The following R3HDM1 variants were observed in gnomAD, a reference collection of about 807,000 sequenced individuals.
R3HDM1 encodes R3H domain-containing protein 1.
R3HDM1 carries 46 observed loss-of-function variants against 141.1 expected under a neutral mutation model. That is an observed-to-expected ratio of 0.33 (90% CI 0.26 to 0.42). R3HDM1 has a LOEUF of 0.42. R3HDM1 is among the 10% of genes least tolerant of loss of function. The pLI, the probability that R3HDM1 is intolerant of heterozygous loss-of-function variation, is 1.00. For synonymous variants in R3HDM1, 435 were observed against 472.9 expected (o/e 0.92, Z 1.04); for missense variants, 1,184 against 1,368.3 (o/e 0.87, Z 2.12).
intron 1 of R3HDM1, among the ~76,000 whole-genome samples, chr2:135,557,438 CAG>C (rs1701000395): frequency 1.3e-5 from 2 of 152,148 alleles, no homozygotes; most frequent in Admixed American, 1.3e-4. Context: ...AAACAGGAGT[CAG>C]AGAATTTACT....
intron 1 of R3HDM1, among the ~76,000 whole-genome samples, chr2:135,542,079 T>C (rs1428573477): frequency 6.6e-6 from 1 of 152,210 alleles, no homozygotes; most frequent in African/African-American, 2.4e-5. Flanking sequence ...TTATACACTA[T>C]TTTAAATAAT....
intron 14 of R3HDM1, among the ~76,000 whole-genome samples, chr2:135,641,223 ATG>A (rs2063758009): frequency 6.6e-6 from 1 of 152,178 alleles, no homozygotes; most frequent in African/African-American, 2.4e-5. Flanking sequence ...AAAAGGTAAA[ATG>A]TACATAACTT....
At position 135,675,497 on chromosome 2, in the gene R3HDM1, T is replaced by C; in HGVS notation, c.2307+11T>C. On this transcript the variant is annotated intron_variant, in intron 20 of 26. Transcript: ENST00000683871. Reference sequence around the variant, plus strand: ...GTGCCAACATATCAGGTATATTGTCTCTTTTATGTACTTTGGGTAGAGATG... The same window carrying C: ...GTGCCAACATATCAGGTATATTGTCCCTTTTATGTACTTTGGGTAGAGATG... 6.2e-7 allele frequency: 1 copy of C among 1,602,438 alleles called. No individual in the cohort carries two copies. The highest frequency in any genetic ancestry group is 1.3e-5 in the African/African-American group (1 of 74,742).
At chr2:135,615,545 T>A (rs1028033964) in intron 3 of R3HDM1, among the ~76,000 whole-genome samples, 1 of 152,234 alleles carries the variant, frequency 6.6e-6, no homozygotes, top group East Asian at 1.9e-4. Context: ...GGCCTGTCAG[T>A]CATGCTGGAC....
intron 1 of R3HDM1, among the ~76,000 whole-genome samples, chr2:135,588,461 A>T (rs1009047756): frequency 6.6e-6 from 1 of 152,052 alleles, no homozygotes; most frequent in East Asian, 1.9e-4. Flanking sequence ...TTTCATTCTC[A>T]TACAGGTTTT....
intron 20 of R3HDM1, among the ~76,000 whole-genome samples, 161 bp downstream of exon 20, chr2:135,675,647 T>C (rs1465200179): frequency 1.9e-5 from 2 of 105,076 alleles, no homozygotes; most frequent in Non-Finnish European, 3.2e-5. Context: ...TATACAACTT[T>C]ATAGTCAAGA....
chr2:135,699,070 A>ATTGAT (rs769292337), intron 21 of R3HDM1, among the ~76,000 whole-genome samples: 6 of 106,074 alleles, frequency 5.7e-5, no homozygotes, highest in South Asian at 3.0e-4. Flanking sequence ...GATTGATTAG[A>ATTGAT]TAGATTAGAT....
At position 135,621,556 on chromosome 2, in the gene R3HDM1, A is replaced by G; in HGVS notation, c.366A>G (p.Glu122=). The change falls in exon 6 of 27, where the codon GAA becomes GAG. Residue 122 remains glutamate (E), a synonymous_variant. Coordinates refer to ENST00000683871, the MANE Select transcript of R3HDM1 (RefSeq NM_001378107.1). The stretch of plus-strand genomic sequence containing the variant: ...AAGAAGAGAAGCCCTCAAAAGATGA[A>G]GCAGAAAAAGAAAAGGCCAGTGATA... ...FEKEEKPSKD[E]AEKEKASDKL... 4 of 1,603,616 alleles carry G rather than the reference A, an allele frequency of 2.5e-6. No homozygotes were observed. The highest frequency in any genetic ancestry group is 3.4e-6 in the Non-Finnish European group (4 of 1,174,812).
chr2:135,655,035 A>C (rs189298248), intron 18 of R3HDM1, among the ~76,000 whole-genome samples: 29 of 152,194 alleles, frequency 1.9e-4, no homozygotes, highest in African/African-American at 5.8e-4. Context: ...ATGTTCTTTG[A>C]TGGACAAAAG....
chr2:135,680,696 G>A (rs1206299235), intron 21 of R3HDM1, among the ~76,000 whole-genome samples: 1 of 152,186 alleles, frequency 6.6e-6, no homozygotes, highest in East Asian at 1.9e-4. Context: ...TTTGAACCCG[G>A]GAGGCAGAGG....
intron 21 of R3HDM1, among the ~76,000 whole-genome samples, chr2:135,696,413 A>G (rs1452231371): frequency 1.3e-5 from 2 of 152,228 alleles, no homozygotes; most frequent in African/African-American, 4.8e-5. Flanking sequence ...GTGCATATAC[A>G]TAAAACTCTT....
intron 19 of R3HDM1, chr2:135,669,092 G>T (rs1171770408): frequency 2.1e-6 from 2 of 958,836 alleles, no homozygotes; most frequent in Non-Finnish European, 2.5e-6. Context: ...GCCTAGACTG[G>T]AGTGCAGTGG....
Position 135,547,824 on chromosome 2 carries a change from A to G in R3HDM1, c.-250+16191A>G, listed in dbSNP as rs1699055708. 3.8e-5 allele frequency among the ~76,000 whole-genome samples: 5 copies of G among 130,684 alleles called. No homozygotes were observed. The South Asian group carries it at 1.2e-3, about 31-fold the overall frequency. The allele number at this position is 130,684 out of a possible 152,430, so 85.7% of individuals were successfully genotyped here. A position where few individuals can be genotyped will look rare whatever the true frequency, so the allele number is the denominator to read the frequency against. On this transcript the variant is annotated intron_variant, in intron 1 of 26. Coordinates refer to ENST00000683871, the MANE Select transcript of R3HDM1 (RefSeq NM_001378107.1). ...AGTCTTGCTCTGTCGCCCAGGCTAGAGTGCAGTGGCACGATCTCGGCTCAC... is the reference window on the plus strand; with the variant it reads ...AGTCTTGCTCTGTCGCCCAGGCTAGGGTGCAGTGGCACGATCTCGGCTCAC...
chr2:135,585,492 T>C (rs536341592), intron 1 of R3HDM1, among the ~76,000 whole-genome samples: 26 of 152,314 alleles, frequency 1.7e-4, no homozygotes, highest in African/African-American at 6.0e-4. Context: ...TTGGAAAGTA[T>C]GATCTTTGTT....
At chr2:135,604,260 T>G (rs534424775) in intron 2 of R3HDM1, among the ~76,000 whole-genome samples, 2 of 152,354 alleles carry the variant, frequency 1.3e-5, no homozygotes, top group African/African-American at 2.4e-5. Flanking sequence ...TTAAGAAATT[T>G]GGAATTTTAG....
chr2:135,610,803 T>C (rs1188408293), intron 3 of R3HDM1, among the ~76,000 whole-genome samples: 4 of 152,128 alleles, frequency 2.6e-5, no homozygotes, highest in African/African-American at 9.7e-5. Context: ...ATTTCCTGTT[T>C]GTCAAACAAA....
chr2:135,622,171 C>T (rs2061573192), intron 6 of R3HDM1: 1 of 984,824 alleles, frequency 1.0e-6, no homozygotes, highest in African/African-American at 1.7e-5. Context: ...GAAAGCAAGC[C>T]TGTAGTAATA....
At chr2:135,600,048 A>T (rs2059493558) in intron 1 of R3HDM1, among the ~76,000 whole-genome samples, 1 of 151,520 alleles carries the variant, frequency 6.6e-6, no homozygotes. Context: ...AAAAAAAAAA[A>T]TTAAAAATTA....
intron 3 of R3HDM1, chr2:135,607,999 G>A (rs1331555704): frequency 1.0e-6 from 1 of 969,556 alleles, no homozygotes; most frequent in Non-Finnish European, 1.2e-6. Flanking sequence ...CATATTCATT[G>A]TTTATTGAAG....
Sources: gnomAD v4.1 joint callset for allele counts (sites outside exome capture counted in the v4.1 genomes callset) on GRCh38, gnomAD v4.1.1 for gene constraint, MANE v1.5 for transcripts, NCBI Gene and HGNC (gene_info 2026-07-23, HGNC 2026-07-21) for gene names.